Variants in F5 observed in about 807,000 individuals in gnomAD.
F5 encodes coagulation factor V, also known as activated protein c cofactor.
Under a neutral mutation model 216.4 loss-of-function variants are expected in F5, and 138 were observed. That is an observed-to-expected ratio of 0.64 (90% CI 0.56 to 0.73). The LOEUF (loss-of-function observed/expected upper bound fraction) is 0.73, where lower values mean the gene tolerates loss of function less well. Ranked by LOEUF, F5 falls within the 30% of genes least tolerant of loss-of-function variation. The probability of loss-of-function intolerance (pLI) is 0.00; values close to 1 mark genes in which losing one functional copy is unlikely to be tolerated. For synonymous variants in F5, 916 were observed against 930.7 expected (o/e 0.98, Z 0.29); for missense variants, 2,403 against 2,674.0 (o/e 0.90, Z 2.24).
intron 7 of F5, 90 bp from the exon 8 acceptor site, chr1:169,552,824 T>C: frequency 1.0e-6 from 1 of 956,034 alleles, no homozygotes; most frequent in Non-Finnish European, 1.7e-6. Context: ...CATTCTGCTC[T>C]TAGATTAGCT....
chr1:169,586,155 C>T, intron 1 of F5, 74 bp downstream of exon 1: 1 of 1,558,904 alleles, frequency 6.4e-7, no homozygotes, highest in Non-Finnish European at 8.8e-7. Flanking sequence ...CATGACATTG[C>T]AAAGGGAATG....
intron 12 of F5, among the ~76,000 whole-genome samples, 180 bp downstream of exon 12, chr1:169,544,116 T>A (rs2101821201): frequency 6.6e-6 from 1 of 152,280 alleles, no homozygotes; most frequent in South Asian, 2.1e-4. Flanking sequence ...ACTAAAGAAC[T>A]GGATCCATTT....
rs766132884 is a variant in F5, at chr1:169,541,871, G to A, written c.3219C>T (p.Ser1073=). Residue 1073 remains serine, a synonymous_variant, in exon 13 of 25, where the codon TCC becomes TCT. Transcript: ENST00000367797. ...RLKHSLVLHK[S]NETSLPTDLN... ...GGTCTGTGGGAAGAGATGTTTCATTGGATTTATGAAGCACCAACGAATGCT... is the reference window on the plus strand; with the variant it reads ...GGTCTGTGGGAAGAGATGTTTCATTAGATTTATGAAGCACCAACGAATGCT... 3.7e-6 allele frequency: 6 copies of A among 1,614,098 alleles called. No individual in the cohort carries two copies. In the South Asian group the frequency reaches 5.5e-5, roughly 15 times the overall value.
intron 5 of F5, among the ~76,000 whole-genome samples, chr1:169,557,396 T>C (rs1660357620): frequency 6.6e-6 from 1 of 152,126 alleles, no homozygotes; most frequent in Admixed American, 6.6e-5. Context: ...GGGAAGAAGA[T>C]GTGAAGATGA....
At chr1:169,585,313 TA>T (rs1310402211) in intron 1 of F5, among the ~76,000 whole-genome samples, 1 of 152,202 alleles carries the variant, frequency 6.6e-6, no homozygotes, top group Non-Finnish European at 1.5e-5. Flanking sequence ...AATATTACAT[TA>T]TTTTTTGGCA....
Position 169,520,604 on chromosome 1 carries a change from C to A in F5, c.6109G>T (p.Val2037Leu), listed in dbSNP as rs1659277060. Residue 2037 changes from valine (V) to leucine (L), a missense_variant, in exon 22 of 25, where the codon GTG (valine) becomes TTG (leucine). By Grantham distance (32) the Val-to-Leu change is conservative. Around this residue, in one of 4 missense-constraint regions of F5, gnomAD observed 659 missense variants for 787.9 expected, o/e 0.84. Transcript: ENST00000367797. ...IKENQFDPPI[V>L]ARYIRISPTR... ...GGAGAGATCCTAATATATCTAGCCACAATAGGTGGGTCAAACTGATTCTCT... is the reference window on the plus strand; with the variant it reads ...GGAGAGATCCTAATATATCTAGCCAAAATAGGTGGGTCAAACTGATTCTCT... 2.5e-6 allele frequency: 4 copies of A among 1,613,858 alleles called. No homozygotes were observed. In the East Asian group the frequency reaches 6.7e-5, roughly 27 times the overall value.
chr1:169,571,855 A>G (rs9332528), intron 3 of F5, among the ~76,000 whole-genome samples: 1 of 152,210 alleles, frequency 6.6e-6, no homozygotes, highest in African/African-American at 2.4e-5. Context: ...TATGGCCTGC[A>G]AAGCCAAACA....
At chr1:169,523,411 T>C in intron 20 of F5, 59 bp from the exon 21 acceptor site, 2 of 1,585,674 alleles carry the variant, frequency 1.3e-6, no homozygotes, top group East Asian at 2.2e-5. Context: ...ACACACTGCC[T>C]AAATTCATTA....
chr1:169,556,549 G>A, intron 6 of F5, 97 bp downstream of exon 6: 1 of 1,129,596 alleles, frequency 8.9e-7, no homozygotes, highest in Non-Finnish European at 1.3e-6. Context: ...TGTCTGCGGT[G>A]CAGGTGGCTT....
At chr1:169,525,824 T>C in intron 18 of F5, 77 bp downstream of exon 18, 1 of 1,020,654 alleles carries the variant, frequency 9.8e-7, no homozygotes, top group Non-Finnish European at 1.6e-6. Context: ...GTTGAATATT[T>C]CCAATCTAAA....
At chr1:169,557,253 C>G (rs1433800637) in intron 5 of F5, among the ~76,000 whole-genome samples, 1 of 152,094 alleles carries the variant, frequency 6.6e-6, no homozygotes, top group Admixed American at 6.5e-5. Flanking sequence ...AAGTCCACGG[C>G]AAAATGGAAT....
intron 2 of F5, among the ~76,000 whole-genome samples, chr1:169,574,063 T>A (rs563594075): frequency 6.6e-6 from 1 of 152,150 alleles, no homozygotes; most frequent in Non-Finnish European, 1.5e-5. Flanking sequence ...TACATTGCAT[T>A]CAGTATTATA....
At chr1:169,530,447 G>T (rs1280066006) in intron 15 of F5, among the ~76,000 whole-genome samples, 2 of 152,332 alleles carry the variant, frequency 1.3e-5, no homozygotes, top group African/African-American at 4.8e-5. Context: ...TGACTTTGCA[G>T]TTCTTTTCAT....
intron 3 of F5, among the ~76,000 whole-genome samples, chr1:169,565,746 GT>G (rs981372320): frequency 1.4e-4 from 21 of 151,960 alleles, no homozygotes; most frequent in African/African-American, 4.8e-4. Flanking sequence ...GACCAATTTT[GT>G]TCACTGAACT....
chr1:169,515,204 C>CT (rs3835452), intron 24 of F5, among the ~76,000 whole-genome samples: 6 of 151,462 alleles, frequency 4.0e-5, no homozygotes, highest in African/African-American at 9.7e-5. Context: ...TAAAATCACT[C>CT]TTTTTTTTTA....
chr1:169,560,776 T>C lies in F5; in HGVS notation c.374-10A>G. On this transcript the variant is annotated splice_polypyrimidine_tract_variant and intron_variant, in intron 3 of 24. Transcript: ENST00000367797. The stretch of plus-strand genomic sequence containing the variant: ...TCAAGGTAAGAAGCACCTGGAGGAG[T>C]AACAGCCATCAAGACATGTGGGCAG... The C allele has an allele frequency of 6.2e-7, 1 of 1,611,188 alleles. No homozygotes were observed. The highest frequency in any genetic ancestry group is 1.7e-5 in the Admixed American group (1 of 59,940).
chr1:169,543,573 G>C (rs1003297448), intron 12 of F5, among the ~76,000 whole-genome samples: 5 of 152,180 alleles, frequency 3.3e-5, no homozygotes, highest in Admixed American at 6.5e-5. Flanking sequence ...AAGGGATGGT[G>C]ATGAGCTCTA....
At chr1:169,574,694 A>G (rs1483627226) in intron 2 of F5, among the ~76,000 whole-genome samples, 1 of 152,248 alleles carries the variant, frequency 6.6e-6, no homozygotes, top group Non-Finnish European at 1.5e-5. Context: ...CTCATTTTAT[A>G]GGTGAGGACA....
At chr1:169,564,151 A>G (rs1274107140) in intron 3 of F5, among the ~76,000 whole-genome samples, 3 of 152,068 alleles carry the variant, frequency 2.0e-5, no homozygotes, top group African/African-American at 7.2e-5. Flanking sequence ...GTTTGATGGT[A>G]GGAACATAAA....
Sources: allele counts gnomAD v4.1 joint callset (sites outside exome capture counted in the v4.1 genomes callset), GRCh38; gene constraint gnomAD v4.1.1; regional missense constraint gnomAD v4.1.1; transcripts MANE v1.5; gene names NCBI Gene and HGNC (gene_info 2026-07-23, HGNC 2026-07-21).